Variants in COG5 observed in about 807,000 individuals in gnomAD.
COG5 encodes the protein component of oligomeric golgi complex 5, also known as conserved oligomeric Golgi complex subunit 5.
In COG5, 86 loss-of-function variants were observed where a neutral mutation model predicts 110.4. That is an observed-to-expected ratio of 0.78 (90% CI 0.65 to 0.93). COG5 has a LOEUF of 0.93. COG5 is among the 40% of genes least tolerant of loss of function. The pLI is 0.00. For synonymous variants in COG5, 360 were observed against 334.6 expected, an observed-to-expected ratio of 1.08 and a Z score of -0.83; for missense variants, 1,077 against 987.0, an observed-to-expected ratio of 1.09 and a Z score of -1.22.
chr7:107,419,930 A>C (rs149377663), intron 6 of COG5, among the ~76,000 whole-genome samples: 10 of 152,370 alleles, frequency 6.6e-5, no homozygotes, highest in Admixed American at 2.0e-4. Flanking sequence ...TTCATGTAAC[A>C]GAATAACCAT....
intron 5 of COG5, among the ~76,000 whole-genome samples, chr7:107,544,382 T>A (rs967681086): frequency 6.6e-6 from 1 of 152,210 alleles, no homozygotes; most frequent in African/African-American, 2.4e-5. Context: ...GACCAGCTCT[T>A]GTGGACTAGG....
At chr7:107,404,883 A>AT (rs1791698078) in intron 7 of COG5, among the ~76,000 whole-genome samples, 1 of 140,164 alleles carries the variant, frequency 7.1e-6, no homozygotes, top group East Asian at 2.1e-4. Context: ...ATTTCAGAAG[A>AT]TGAAAAAAAA....
intron 6 of COG5, among the ~76,000 whole-genome samples, chr7:107,513,313 G>T (rs1305340839): frequency 6.6e-6 from 1 of 151,970 alleles, no homozygotes; most frequent in African/African-American, 2.4e-5. Context: ...ATCATCACTG[G>T]CCATCAGAGA....
At chr7:107,450,666 T>C (rs548453138) in intron 6 of COG5, among the ~76,000 whole-genome samples, 5 of 152,312 alleles carry the variant, frequency 3.3e-5, no homozygotes, top group Admixed American at 6.5e-5. Context: ...ATTGTGCAAA[T>C]GCAGTTGGGC....
intron 7 of COG5, among the ~76,000 whole-genome samples, chr7:107,385,293 C>T (rs992422601): frequency 1.3e-5 from 2 of 152,194 alleles, no homozygotes. Context: ...TGACTCCCAG[C>T]TTCCAGAACT....
At chr7:107,315,767 T>C (rs977761510) in intron 11 of COG5, among the ~76,000 whole-genome samples, 11 of 152,292 alleles carry the variant, frequency 7.2e-5, no homozygotes, top group Admixed American at 3.3e-4. Context: ...TACAGTACAC[T>C]TCAGGGACTG....
At chr7:107,290,966 T>G (rs1185520002) in intron 12 of COG5, among the ~76,000 whole-genome samples, 1 of 152,174 alleles carries the variant, frequency 6.6e-6, no homozygotes, top group African/African-American at 2.4e-5. Flanking sequence ...GATTGTATAG[T>G]TTTTCCCTTG....
intron 6 of COG5, among the ~76,000 whole-genome samples, chr7:107,427,830 T>C (rs1793752185): frequency 6.6e-6 from 1 of 151,824 alleles, no homozygotes; most frequent in South Asian, 2.1e-4. Flanking sequence ...GACATTACAC[T>C]GACCATCAAG....
intron 5 of COG5, among the ~76,000 whole-genome samples, chr7:107,538,643 T>C (rs1006931029): frequency 6.6e-6 from 1 of 151,902 alleles, no homozygotes; most frequent in Non-Finnish European, 1.5e-5. Flanking sequence ...TTGGTAATAA[T>C]GGAAAACAGT....
At chr7:107,293,145 A>G (rs1806314121) in intron 12 of COG5, among the ~76,000 whole-genome samples, 2 of 152,174 alleles carry the variant, frequency 1.3e-5, no homozygotes, top group Non-Finnish European at 2.9e-5. Context: ...TATATTTCCC[A>G]GCAAAGAATC....
intron 11 of COG5, among the ~76,000 whole-genome samples, chr7:107,316,170 A>G (rs544894400): frequency 7.2e-5 from 11 of 152,358 alleles, no homozygotes; most frequent in African/African-American, 2.6e-4. Context: ...AACAGCAACT[A>G]AAGAGGAACT....
chr7:107,432,084 G>C (rs1469373962), intron 6 of COG5, among the ~76,000 whole-genome samples: 1 of 152,130 alleles, frequency 6.6e-6, no homozygotes, highest in Non-Finnish European at 1.5e-5. Context: ...CATGAAAGAA[G>C]AGAGAATGAT....
At chr7:107,273,785 T>TA (rs1020928238) in intron 14 of COG5, among the ~76,000 whole-genome samples, 3 of 151,654 alleles carry the variant, frequency 2.0e-5, no homozygotes, top group African/African-American at 4.8e-5. Context: ...ACTCAGAGAC[T>TA]AAAAAAACTT....
intron 21 of COG5, among the ~76,000 whole-genome samples, chr7:107,207,542 A>C (rs555868773): frequency 1.3e-5 from 2 of 152,356 alleles, no homozygotes; most frequent in South Asian, 4.1e-4. Flanking sequence ...ATCCAGAGTA[A>C]ATGGATTTGA....
chr7:107,438,419 A>G (rs1794490523), intron 6 of COG5, among the ~76,000 whole-genome samples: 2 of 152,222 alleles, frequency 1.3e-5, no homozygotes, highest in African/African-American at 4.8e-5. Flanking sequence ...TCACTTCTCT[A>G]AAATGTATTG....
At chr7:107,445,329 A>T (rs895542017) in intron 6 of COG5, among the ~76,000 whole-genome samples, 8 of 152,234 alleles carry the variant, frequency 5.3e-5, no homozygotes, top group Non-Finnish European at 8.8e-5. Context: ...AAGAGAGAAT[A>T]GCATAATTCC....
chr7:107,239,957 T>C (rs1801485538), intron 17 of COG5, among the ~76,000 whole-genome samples: 1 of 152,236 alleles, frequency 6.6e-6, no homozygotes, highest in Admixed American at 6.5e-5. Flanking sequence ...ACCTTTTGTG[T>C]GAGTGCTCTC....
chr7:107,365,791 T>C (rs958693665), intron 8 of COG5, among the ~76,000 whole-genome samples: 8 of 152,038 alleles, frequency 5.3e-5, no homozygotes, highest in African/African-American at 1.9e-4. Flanking sequence ...GTAGCCATAC[T>C]AAGCTTCTGA....
At chr7:107,455,020 AAC>A (rs2129096331) in intron 6 of COG5, among the ~76,000 whole-genome samples, 1 of 152,280 alleles carries the variant, frequency 6.6e-6, no homozygotes, top group Admixed American at 6.5e-5. Flanking sequence ...GAGTATGTAA[AAC>A]ACCTTATACC....
Sources: allele counts gnomAD v4.1 joint callset (sites outside exome capture counted in the v4.1 genomes callset), GRCh38; gene constraint gnomAD v4.1.1; transcripts MANE v1.5; gene names NCBI Gene and HGNC (gene_info 2026-07-23, HGNC 2026-07-21).